Variants in GSE1 observed in about 807,000 individuals in gnomAD.
The protein encoded by GSE1 is genetic suppressor element 1.
GSE1 carries 32 observed loss-of-function variants against 112.6 expected under a neutral mutation model. The ratio of observed to expected loss-of-function variants is 0.28; its 90% CI spans 0.21 to 0.38. GSE1 has a LOEUF of 0.38. Among genes scored for constraint, GSE1 ranks in the 10% least tolerant of loss-of-function variants. The pLI, the probability that GSE1 is intolerant of heterozygous loss-of-function variation, is 1.00. For synonymous variants in GSE1, 1,115 were observed against 735.6 expected (o/e 1.52, Z -8.35); for missense variants, 2,348 against 1,699.2 (o/e 1.38, Z -6.71).
chr16:85,465,931 A>G (rs2050109466), intron 2 of GSE1, among the ~76,000 whole-genome samples: 1 of 152,182 alleles, frequency 6.6e-6, no homozygotes, highest in South Asian at 2.1e-4. Context: ...ACTTTGTTCT[A>G]ATGATTAGTG....
chr16:85,446,184 G>A (rs983288231), intron 2 of GSE1, among the ~76,000 whole-genome samples: 2 of 152,250 alleles, frequency 1.3e-5, no homozygotes, highest in South Asian at 2.1e-4. Flanking sequence ...CTGCGACGTC[G>A]GGGCCTGTTC....
At chr16:85,508,904 G>A (rs755900200) in intron 2 of GSE1, among the ~76,000 whole-genome samples, 23 of 152,222 alleles carry the variant, frequency 1.5e-4, no homozygotes, top group Admixed American at 2.6e-4. Context: ...CCCCCTCAGC[G>A]TATGTGCACT....
intron 1 of GSE1, among the ~76,000 whole-genome samples, chr16:85,631,102 C>T (rs574526891): frequency 2.0e-5 from 3 of 152,326 alleles, no homozygotes; most frequent in East Asian, 3.9e-4. Flanking sequence ...GTTGGGACCA[C>T]GAGGACCTGG....
At chr16:85,513,434 A>G (rs1229877866) in intron 2 of GSE1, among the ~76,000 whole-genome samples, 1 of 152,118 alleles carries the variant, frequency 6.6e-6, no homozygotes, top group Non-Finnish European at 1.5e-5. Flanking sequence ...TGGTTGAAAC[A>G]GTGCCTAGAA....
chr16:85,616,029 T>G (rs1181336164), intron 1 of GSE1, among the ~76,000 whole-genome samples: 4 of 152,190 alleles, frequency 2.6e-5, no homozygotes, highest in Admixed American at 2.0e-4. Context: ...GTTCAGGGGC[T>G]GCAGATCTGA....
intron 2 of GSE1, among the ~76,000 whole-genome samples, chr16:85,494,220 T>C (rs1365831212): frequency 6.6e-6 from 1 of 152,232 alleles, no homozygotes; most frequent in African/African-American, 2.4e-5. Flanking sequence ...CCGTGCTCCC[T>C]GTGCAGGCTC....
chr16:85,462,056 G>A lies in GSE1; in HGVS notation c.2464+104413G>A, dbSNP rs116300010. Among the ~76,000 whole-genome samples, 1,227 of 152,286 alleles carry A rather than the reference G, an allele frequency of 8.1e-3. 12 individuals carry two copies. The highest frequency in any genetic ancestry group is 0.028 in the African/African-American group (1,179 of 41,564). On this transcript the variant is annotated intron_variant, in intron 2 of 2. Coordinates refer to the GSE1 transcript ENST00000637419. ...CCAGCAGGCCCCCGGGGAGTGGGGCGCGAGGCTGAGCACACCTCCCCACAG... is the reference window on the plus strand; with the variant it reads ...CCAGCAGGCCCCCGGGGAGTGGGGCACGAGGCTGAGCACACCTCCCCACAG...
At chr16:85,511,528 CAAA>C (rs71151298) in intron 2 of GSE1, among the ~76,000 whole-genome samples, 7 of 114,952 alleles carry the variant, frequency 6.1e-5, no homozygotes, top group African/African-American at 6.7e-5. Flanking sequence ...AACTCCATCT[CAAA>C]AAAAAAAAAA....
intron 1 of GSE1, among the ~76,000 whole-genome samples, chr16:85,352,662 T>A (rs1295156170): frequency 3.3e-5 from 5 of 152,214 alleles, no homozygotes; most frequent in African/African-American, 4.8e-5. Context: ...GCCCTTTGCC[T>A]CTGTTTGATT....
At chr16:85,462,999 C>T (rs1244146250) in intron 2 of GSE1, 1 of 542,758 alleles carries the variant, frequency 1.8e-6, no homozygotes, top group African/African-American at 2.1e-5. Flanking sequence ...CCCGTGACGC[C>T]CCTACTGCTC....
intron 2 of GSE1, among the ~76,000 whole-genome samples, chr16:85,390,997 C>T (rs893517308): frequency 1.3e-5 from 2 of 152,158 alleles, no homozygotes; most frequent in Non-Finnish European, 2.9e-5. Context: ...CACGGCTCCG[C>T]CGCTGCGCCC....
At chr16:85,257,240 C>G (rs1481991530) in intron 1 of GSE1, among the ~76,000 whole-genome samples, 1 of 152,214 alleles carries the variant, frequency 6.6e-6, no homozygotes, top group Non-Finnish European at 1.5e-5. Context: ...TCCCGAATAG[C>G]TGGCATTACA....
chr16:85,544,400 G>A (rs2044626441), intron 2 of GSE1, among the ~76,000 whole-genome samples: 1 of 152,216 alleles, frequency 6.6e-6, no homozygotes, highest in Non-Finnish European at 1.5e-5. Flanking sequence ...ATGACCCGCT[G>A]GAGGGCAAGT....
chr16:85,653,640 C>G (rs1486434494), intron 3 of GSE1, among the ~76,000 whole-genome samples: 1 of 151,986 alleles, frequency 6.6e-6, no homozygotes, highest in Admixed American at 6.5e-5. Context: ...AGGCCGGTAC[C>G]CCAGCTGGCC....
At chr16:85,441,695 G>T (rs538003412) in intron 2 of GSE1, among the ~76,000 whole-genome samples, 2 of 152,194 alleles carry the variant, frequency 1.3e-5, no homozygotes, top group African/African-American at 4.8e-5. Flanking sequence ...TTTGAGCTGG[G>T]TCTTGAGGGG....
At position 85,324,115 on chromosome 16, in the gene GSE1, C is replaced by T. The variant is rs573512038; in HGVS notation, c.2284-33348C>T. Among the ~76,000 whole-genome samples the T allele has an allele frequency of 1.6e-4, 25 of 152,308 alleles. No individual in the cohort carries two copies. In the East Asian group the frequency reaches 4.1e-3, roughly 25 times the overall value. The stretch of plus-strand genomic sequence containing the variant: ...CTGGTGCACAGCTGCTGGGAATGCA[C>T]GTGGTGCAGCTGCCATGGAAAACAG... On this transcript the variant is annotated intron_variant, in intron 1 of 2. Transcript: ENST00000637419.
intron 2 of GSE1, among the ~76,000 whole-genome samples, chr16:85,469,250 TC>T (rs1482257284): frequency 1.4e-5 from 2 of 142,030 alleles, no homozygotes; most frequent in Non-Finnish European, 1.5e-5. Flanking sequence ...CAAAACTCCA[TC>T]TAAAAAAAAA....
chr16:85,457,325 G>T (rs1463976416), intron 2 of GSE1, among the ~76,000 whole-genome samples: 1 of 152,214 alleles, frequency 6.6e-6, no homozygotes, highest in Admixed American at 6.5e-5. Flanking sequence ...GCTGGCAGAT[G>T]GGGGACAGCG....
At chr16:85,290,701 G>A (rs1325250514) in intron 1 of GSE1, among the ~76,000 whole-genome samples, 1 of 152,154 alleles carries the variant, frequency 6.6e-6, no homozygotes, top group Admixed American at 6.5e-5. Context: ...TAGAGCCTTT[G>A]TTGTCACCGA....
Sources: allele counts gnomAD v4.1 joint callset (sites outside exome capture counted in the v4.1 genomes callset), GRCh38; gene constraint gnomAD v4.1.1; transcripts MANE v1.5; gene names NCBI Gene and HGNC (gene_info 2026-07-23, HGNC 2026-07-21).